The following OPA3 variants were observed in gnomAD, a reference collection of about 807,000 sequenced individuals.
OPA3 encodes outer mitochondrial membrane lipid metabolism regulator OPA3.
A neutral mutation model predicts 4.0 loss-of-function variants in OPA3; 6 were observed. The observed-to-expected ratio is 1.51, with a 90% CI of 0.83 to 2.99. The LOEUF is 2.99. Ranked by LOEUF, OPA3 falls within the 30% of genes most tolerant of loss-of-function variation. OPA3 has a pLI of 0.00. For synonymous variants in OPA3, 105 were observed against 117.1 expected (o/e 0.90, Z 0.67); for missense variants, 235 against 256.2 (o/e 0.92, Z 0.56).
At position 45,552,929 on chromosome 19, in the gene OPA3, G is replaced by T; in HGVS notation, c.*585C>A. 1.1e-6 allele frequency: 1 copy of T among 935,450 alleles called. No homozygotes were observed. Among genetic ancestry groups the T allele is most frequent in the African/African-American group, 1.8e-5 (1 of 56,178 alleles). The allele number at this position is 935,450 out of a possible 1,614,324, so 57.9% of individuals were successfully genotyped here. On this transcript the variant is annotated 3_prime_UTR_variant, in exon 2 of 2. Transcript: ENST00000263275. Reference sequence around the variant, plus strand: ...GACCTCAAGTGATCCGCCCGCCTCGGCCTCCCAAGGTGCTAGGATTACAGG... The same window carrying T: ...GACCTCAAGTGATCCGCCCGCCTCGTCCTCCCAAGGTGCTAGGATTACAGG...
chr19:45,557,219 C>A (rs1378914319), intron 1 of OPA3, among the ~76,000 whole-genome samples: 1 of 152,102 alleles, frequency 6.6e-6, no homozygotes, highest in Non-Finnish European at 1.5e-5. Context: ...TGGGAGTGGG[C>A]ACATACCCAG....
exon 2 of OPA3, chr19:45,528,931 G>GC: frequency 8.5e-7 from 1 of 1,177,576 alleles, no homozygotes; most frequent in Non-Finnish European, 1.2e-6. Flanking sequence ...TCTCTCCGGC[G>GC]CCCCCGAAGG....
intron 1 of OPA3, among the ~76,000 whole-genome samples, chr19:45,533,016 C>T (rs981927351): frequency 7.3e-5 from 11 of 151,720 alleles, no homozygotes; most frequent in African/African-American, 1.9e-4. Context: ...CTCAGCCTCC[C>T]GAGTAGCTGG....
At chr19:45,542,335 C>T (rs1599954152), downstream of OPA3, among the ~76,000 whole-genome samples, 1 of 152,292 alleles carries the variant, frequency 6.6e-6, no homozygotes, top group East Asian at 1.9e-4. Flanking sequence ...GACAGGGACA[C>T]ATTCTGAGAA....
chr19:45,569,276 T>C (rs761389568), intron 1 of OPA3, among the ~76,000 whole-genome samples: 2 of 152,100 alleles, frequency 1.3e-5, no homozygotes, highest in African/African-American at 2.4e-5. Context: ...CTGGCCAACA[T>C]AGTGAAACAC....
chr19:45,562,343 C>CAAA (rs1218744939), intron 1 of OPA3, among the ~76,000 whole-genome samples: 5 of 69,430 alleles, frequency 7.2e-5, no homozygotes, highest in Admixed American at 1.9e-4. Flanking sequence ...GACTCCATCT[C>CAAA]AAAAAAAAAA....
Position 45,546,499 on chromosome 19 carries a change from CT to C in OPA3, c.*7014del, listed in dbSNP as rs944035967. ...CACACGATGGATTACATAAACTCTG[CT>C]TTTTTTTTTTTTTGAGACAGGGTCT... On this transcript the variant is annotated 3_prime_UTR_variant, in exon 2 of 2. Coordinates refer to ENST00000263275, the MANE Select transcript of OPA3 (RefSeq NM_025136.4). 48,568 of 455,570 alleles carry C rather than the reference CT, an allele frequency of 0.11. No homozygotes were observed. Among genetic ancestry groups the C allele is most frequent in the Non-Finnish European group, 0.13 (44,378 of 352,450 alleles). 28.2% of individuals were successfully genotyped at this position (455,570 alleles called of 1,614,324 possible).
chr19:45,538,085 A>T lies in OPA3; in HGVS notation c.143-8629T>A, dbSNP rs1330062234. ...CACTGCACTCCAGCCTGGAGGACAGAGCTAGGCTCCATATCAAAAAAAAAA... is the reference window on the plus strand; with the variant it reads ...CACTGCACTCCAGCCTGGAGGACAGTGCTAGGCTCCATATCAAAAAAAAAA... On this transcript the variant is annotated intron_variant, in intron 1 of 1. Transcript: ENST00000323060. 3.7e-5 allele frequency among the ~76,000 whole-genome samples: 5 copies of T among 133,768 alleles called. No homozygotes were observed. The East Asian group carries it at 9.1e-4, about 24-fold the overall frequency. 87.8% of individuals were successfully genotyped at this position (133,768 alleles called of 152,430 possible).
At position 45,584,786 on chromosome 19, in the gene OPA3, G is replaced by A. The variant is rs201065312; in HGVS notation, c.-22C>T. ...CCATCTTGGCGGTCTCACAGGGCAC[G>A]CGCAACCTTGCTGACTGGGCGGGGC... On this transcript the variant is annotated 5_prime_UTR_variant, in exon 1 of 2. Transcript: ENST00000263275. 3.7e-6 allele frequency: 6 copies of A among 1,612,740 alleles called. No homozygotes were observed. The African/African-American group carries it at 4.0e-5, about 11-fold the overall frequency.
At chr19:45,541,211 G>C (rs1257416517) in intron 1 of OPA3, among the ~76,000 whole-genome samples, 1 of 152,180 alleles carries the variant, frequency 6.6e-6, no homozygotes, top group South Asian at 2.1e-4. Flanking sequence ...ATGCCCAAAA[G>C]ATGCCTGCTG....
chr19:45,546,216 T>G (rs932705940), downstream of OPA3: 2 of 167,922 alleles, frequency 1.2e-5, no homozygotes, highest in Non-Finnish European at 2.4e-5. Flanking sequence ...TGCATATATA[T>G]CTGTAGTTAT....
At position 45,552,908 on chromosome 19, in the gene OPA3, TC is replaced by T. The variant is rs1969356880; in HGVS notation, c.*605del. On this transcript the variant is annotated 3_prime_UTR_variant, in exon 2 of 2. Coordinates refer to ENST00000263275, the MANE Select transcript of OPA3 (RefSeq NM_025136.4). The stretch of plus-strand genomic sequence containing the variant: ...CCAGGCTGGTCTGGAACTCCTGACC[TC>T]AAGTGATCCGCCCGCCTCGGCCTCC... The T allele has an allele frequency of 2.2e-5, 17 of 780,184 alleles. No homozygotes were observed. Among genetic ancestry groups the T allele is most frequent in the Non-Finnish European group, 2.5e-5 (16 of 642,710 alleles). 48.3% of individuals were successfully genotyped at this position (780,184 alleles called of 1,614,324 possible).
At chr19:45,559,397 CTTTTTTT>C (rs71338781) in intron 1 of OPA3, among the ~76,000 whole-genome samples, 34 of 59,934 alleles carry the variant, frequency 5.7e-4, no homozygotes, top group Non-Finnish European at 9.0e-4. Context: ...CTTTTTCTTT[CTTTTTTT>C]TTTTTTTTTT....
Position 45,548,591 on chromosome 19 carries a change from C to CACAG in OPA3, c.*4922_*4923insCTGT. ...GGCAGGGCTGGGGCTGTCTCTGTCACCACTGTGACCCCAGCATAGGGTGGG... is the reference window on the plus strand; with the variant it reads ...GGCAGGGCTGGGGCTGTCTCTGTCACACAGCACTGTGACCCCAGCATAGGGTGGG... On this transcript the variant is annotated 3_prime_UTR_variant, in exon 2 of 2. Coordinates refer to ENST00000263275, the MANE Select transcript of OPA3 (RefSeq NM_025136.4). The CACAG allele has an allele frequency of 1.0e-6, 1 of 985,266 alleles. No homozygotes were observed. The highest frequency in any genetic ancestry group is 1.1e-4 in the East Asian group (1 of 8,812). The allele number at this position is 985,266 out of a possible 1,614,324, so 61.0% of individuals were successfully genotyped here.
At chr19:45,578,759 G>A (rs975820317) in intron 1 of OPA3, among the ~76,000 whole-genome samples, 13 of 152,144 alleles carry the variant, frequency 8.5e-5, no homozygotes, top group South Asian at 2.1e-4. Flanking sequence ...CCCGGGAGGC[G>A]GAAGTTGTGG....
intron 1 of OPA3, among the ~76,000 whole-genome samples, chr19:45,581,590 C>A (rs1267305999): frequency 1.3e-5 from 2 of 152,214 alleles, no homozygotes; most frequent in African/African-American, 4.8e-5. Flanking sequence ...CCTGCTGTTT[C>A]GCCAGCATTG....
intron 1 of OPA3, among the ~76,000 whole-genome samples, chr19:45,532,778 T>C (rs574417289): frequency 2.3e-4 from 35 of 152,288 alleles, no homozygotes; most frequent in South Asian, 6.2e-4. Flanking sequence ...GGGGTCTCAC[T>C]ATGTTGTCCA....
Position 45,547,162 on chromosome 19 carries a change from C to T in OPA3, c.*6352G>A, listed in dbSNP as rs1344754974. 1 of 152,246 alleles carries T rather than the reference C, an allele frequency of 6.6e-6. No individual in the cohort carries two copies. Among genetic ancestry groups the T allele is most frequent in the African/African-American group, 2.4e-5 (1 of 41,432 alleles). The allele number at this position is 152,246 out of a possible 1,614,324, so 9.4% of individuals were successfully genotyped here. A position where few individuals can be genotyped will look rare whatever the true frequency, so the allele number is the denominator to read the frequency against. On this transcript the variant is annotated 3_prime_UTR_variant, in exon 2 of 2. Coordinates refer to ENST00000263275, the MANE Select transcript of OPA3 (RefSeq NM_025136.4). ...AGAGGCCTGAGTGATCCTGTTGGGGCTCCAGAGCTGGGATGACCTCCACAG... is the reference window on the plus strand; with the variant it reads ...AGAGGCCTGAGTGATCCTGTTGGGGTTCCAGAGCTGGGATGACCTCCACAG...
intron 1 of OPA3, among the ~76,000 whole-genome samples, chr19:45,572,329 CG>C: frequency 7.9e-6 from 1 of 126,314 alleles, no homozygotes; most frequent in African/African-American, 2.9e-5. Flanking sequence ...AGATATATAT[CG>C]ATATATATCT....
Sources: allele counts gnomAD v4.1 joint callset (sites outside exome capture counted in the v4.1 genomes callset), GRCh38; gene constraint gnomAD v4.1.1; transcripts MANE v1.5; gene names NCBI Gene and HGNC (gene_info 2026-07-23, HGNC 2026-07-21).